Variants in HDAC4 observed in about 807,000 individuals in gnomAD.
HDAC4 encodes histone deacetylase 4.
In HDAC4, 16 loss-of-function variants were observed where a neutral mutation model predicts 135.1. The observed-to-expected ratio is 0.12, with a 90% CI of 0.08 to 0.18. HDAC4 has a LOEUF of 0.18. Ranked by LOEUF, HDAC4 falls within the 10% of genes least tolerant of loss-of-function variation. The pLI, the probability that HDAC4 is intolerant of heterozygous loss-of-function variation, is 1.00. For synonymous variants in HDAC4, 685 were observed against 653.4 expected (o/e 1.05, Z -0.74); for missense variants, 1,143 against 1,511.8 (o/e 0.76, Z 4.05).
At chr2:239,111,283 G>C (rs997563127) in intron 14 of HDAC4, among the ~76,000 whole-genome samples, 1 of 152,248 alleles carries the variant, frequency 6.6e-6, no homozygotes, top group African/African-American at 2.4e-5. Flanking sequence ...TGGGTCTCTG[G>C]GACAGGAAAG....
At chr2:239,187,316 C>A (rs1397015364) in intron 4 of HDAC4, among the ~76,000 whole-genome samples, 2 of 152,206 alleles carry the variant, frequency 1.3e-5, no homozygotes, top group African/African-American at 4.8e-5. Flanking sequence ...GGGTTGCCAA[C>A]ATGCAGAATA....
At chr2:239,144,233 C>T (rs1367437160) in intron 8 of HDAC4, among the ~76,000 whole-genome samples, 1 of 152,162 alleles carries the variant, frequency 6.6e-6, no homozygotes, top group Admixed American at 6.5e-5. Context: ...TGCGATTCAC[C>T]ACTACTAGGG....
intron 11 of HDAC4, among the ~76,000 whole-genome samples, chr2:239,133,634 T>G (rs1293180603): frequency 6.6e-6 from 1 of 152,056 alleles, no homozygotes; most frequent in African/African-American, 2.4e-5. Flanking sequence ...GCCCAGCTAA[T>G]TTTTGTATTT....
intron 3 of HDAC4, among the ~76,000 whole-genome samples, chr2:239,210,972 C>T (rs3791599): frequency 0.14 from 21,133 of 152,154 alleles, 1,579 homozygotes; most frequent in East Asian, 0.23. Flanking sequence ...ACTCCACAAA[C>T]ACTGAGGGTC....
At chr2:239,384,625 G>A (rs2126073301) in intron 1 of HDAC4, among the ~76,000 whole-genome samples, 1 of 152,110 alleles carries the variant, frequency 6.6e-6, no homozygotes, top group East Asian at 1.9e-4. Context: ...TCAGAAAAAG[G>A]CAAAGGAAAC....
chr2:239,331,518 T>C lies in HDAC4; in HGVS notation c.22+21160A>G, dbSNP rs1223053563. ...TGCAACATAAAGATGAATGCAAGCC[T>C]GGAAAGCAAGCTGGGACTCGTGAAC... On this transcript the variant is annotated intron_variant, in intron 2 of 26. Transcript: ENST00000543185. The surrounding 1 kb of genome is among the most constrained non-coding windows in gnomAD (Gnocchi z 4.5). Among the ~76,000 whole-genome samples the C allele has an allele frequency of 1.3e-5, 2 of 152,140 alleles. No homozygotes were observed. Among genetic ancestry groups the C allele is most frequent in the South Asian group, 2.1e-4 (1 of 4,826 alleles).
At chr2:239,243,911 T>C (rs2048330922) in intron 2 of HDAC4, among the ~76,000 whole-genome samples, 1 of 152,212 alleles carries the variant, frequency 6.6e-6, no homozygotes, top group African/African-American at 2.4e-5. Context: ...TGGTGCCCAT[T>C]TTCTGTCCTA....
At chr2:239,166,381 T>G (rs999435810) in intron 5 of HDAC4, among the ~76,000 whole-genome samples, 1 of 152,148 alleles carries the variant, frequency 6.6e-6, no homozygotes, top group African/African-American at 2.4e-5. Context: ...GAGAAAATCA[T>G]GTCATTGCCC....
At chr2:239,391,321 C>A (rs1696190779) in intron 1 of HDAC4, among the ~76,000 whole-genome samples, 1 of 152,204 alleles carries the variant, frequency 6.6e-6, no homozygotes, top group Non-Finnish European at 1.5e-5. Context: ...CAGACGAGAG[C>A]TTGTTCTCAA....
chr2:239,316,688 G>T (rs1225496405), intron 2 of HDAC4, among the ~76,000 whole-genome samples: 1 of 152,138 alleles, frequency 6.6e-6, no homozygotes, highest in Admixed American at 6.5e-5. Flanking sequence ...TGGTTTCCAG[G>T]ACATACTGCT....
chr2:239,239,025 A>G (rs1293966796), intron 2 of HDAC4, among the ~76,000 whole-genome samples: 1 of 152,216 alleles, frequency 6.6e-6, no homozygotes, highest in Non-Finnish European at 1.5e-5. Flanking sequence ...CTTGACCTTA[A>G]CATGTCCAAT....
At chr2:239,157,613 A>C (rs532250083) in intron 6 of HDAC4, among the ~76,000 whole-genome samples, 2 of 152,202 alleles carry the variant, frequency 1.3e-5, no homozygotes, top group Admixed American at 1.3e-4. Context: ...CTTGCTCAAA[A>C]CACTGTGCTG....
chr2:239,104,854 G>T (rs73092861), intron 15 of HDAC4, among the ~76,000 whole-genome samples: 1 of 152,352 alleles, frequency 6.6e-6, no homozygotes, highest in South Asian at 2.1e-4. Context: ...GTTAGAATAA[G>T]GCAAAGAAGA....
At chr2:239,274,691 G>C (rs1319616963) in intron 2 of HDAC4, among the ~76,000 whole-genome samples, 2 of 152,194 alleles carry the variant, frequency 1.3e-5, no homozygotes, top group African/African-American at 4.8e-5. Context: ...TCCACGGCGG[G>C]GCTCTCTCAG....
At position 239,284,800 on chromosome 2, in the gene HDAC4, A is replaced by G. The variant is rs902318568; in HGVS notation, c.23-48136T>C. ...GTCCCGGTTCAAAAGTAAATACACAAGCAGCCCTCCCACAGGAAGCTGAGG... is the reference window on the plus strand; with the variant it reads ...GTCCCGGTTCAAAAGTAAATACACAGGCAGCCCTCCCACAGGAAGCTGAGG... On this transcript the variant is annotated intron_variant, in intron 2 of 26. Coordinates refer to ENST00000543185, the MANE Select transcript of HDAC4 (RefSeq NM_001378414.1). Among the ~76,000 whole-genome samples, 3 of 152,180 alleles carry G rather than the reference A, an allele frequency of 2.0e-5. No individual in the cohort carries two copies. In the East Asian group the frequency reaches 5.8e-4, roughly 29 times the overall value.
At chr2:239,064,528 C>T (rs922008957) in intron 24 of HDAC4, among the ~76,000 whole-genome samples, 19 of 152,284 alleles carry the variant, frequency 1.2e-4, no homozygotes, top group African/African-American at 3.8e-4. Flanking sequence ...GGTGCTGTGG[C>T]GGCCTGGGGC....
chr2:239,072,958 C>T (rs1291229540), intron 22 of HDAC4, among the ~76,000 whole-genome samples: 1 of 152,180 alleles, frequency 6.6e-6, no homozygotes, highest in Non-Finnish European at 1.5e-5. Context: ...GACGCTGAGG[C>T]AACGGGAGGG....
intron 2 of HDAC4, among the ~76,000 whole-genome samples, chr2:239,269,278 C>T (rs897375330): frequency 2.2e-5 from 3 of 137,984 alleles, no homozygotes; most frequent in African/African-American, 1.0e-4. Context: ...TTCACACACC[C>T]ACACACATTC....
intron 20 of HDAC4, 47 bp downstream of exon 20, chr2:239,084,108 G>A (rs761069052): frequency 1.6e-5 from 22 of 1,388,880 alleles, no homozygotes; most frequent in African/African-American, 2.8e-5. Flanking sequence ...GCTCGGGGAC[G>A]GCAAAGGAGC....
Sources: allele counts gnomAD v4.1 joint callset (sites outside exome capture counted in the v4.1 genomes callset), GRCh38; gene constraint gnomAD v4.1.1; non-coding constraint Gnocchi (gnomAD v3.1); transcripts MANE v1.5; gene names NCBI Gene and HGNC (gene_info 2026-07-23, HGNC 2026-07-21).